The following ZP4 variants were observed in gnomAD, a reference collection of about 807,000 sequenced individuals.
ZP4 encodes the protein zona pellucida sperm-binding protein 4.
In ZP4, 62 loss-of-function variants were observed where a neutral mutation model predicts 62.3. The observed-to-expected ratio is 0.99, with a 90% CI of 0.81 to 1.23. The LOEUF is 1.23. Ranked by LOEUF, ZP4 falls within the 50% of genes most tolerant of loss-of-function variation. The probability of loss-of-function intolerance (pLI) is 0.00; values close to 1 mark genes in which losing one functional copy is unlikely to be tolerated. For synonymous variants in ZP4, 289 were observed against 247.3 expected (o/e 1.17, Z -1.58); for missense variants, 774 against 656.0 (o/e 1.18, Z -1.97).
At position 237,884,017 on chromosome 1, in the gene ZP4, AAC is replaced by A. The variant is rs142971801; in HGVS notation, c.1390+750_1390+751del. On this transcript the variant is annotated intron_variant, in intron 10 of 11. Coordinates refer to ENST00000366570, the MANE Select transcript of ZP4 (RefSeq NM_021186.5). ...ACACACACACACACACACACACACA[AAC>A]ACACACACACACAAACACACACAAA... 4.5e-4 allele frequency among the ~76,000 whole-genome samples: 40 copies of A among 87,978 alleles called. 1 individual carries two copies. The highest frequency in any genetic ancestry group is 1.2e-3 in the Admixed American group (10 of 8,608). 57.7% of individuals were successfully genotyped at this position (87,978 alleles called of 152,430 possible).
In ZP4 at chr1:237,886,776, G is replaced by C. The variant is rs781324264; in HGVS notation, c.834C>G (p.Ile278Met). 3.7e-6 allele frequency: 6 copies of C among 1,613,862 alleles called. No individual in the cohort carries two copies. The highest frequency in any genetic ancestry group is 5.1e-6 in the Non-Finnish European group (6 of 1,179,892). Reference sequence around the variant, plus strand: ...CATTCTGGCCAAGCCCTTACCTGAAGATGCTGTCACGAGTGACAGAGCCAC... The same window carrying C: ...CATTCTGGCCAAGCCCTTACCTGAACATGCTGTCACGAGTGACAGAGCCAC... Reference protein sequence around the residue: ...GSRGSVTRDSIFRLHVSCSYS... With the variant: ...GSRGSVTRDSMFRLHVSCSYS... Residue 278 changes from isoleucine (I) to methionine (M), a missense_variant, in exon 6 of 12, where the codon ATC (isoleucine) becomes ATG (methionine). Physicochemically the swap from Ile to Met is conservative, Grantham distance 10 (BLOSUM62 1). Transcript: ENST00000366570.
chr1:237,885,197 G>T lies in ZP4; in HGVS notation c.1279C>A (p.Pro427Thr). 6.2e-7 allele frequency: 1 copy of T among 1,614,114 alleles called. No individual in the cohort carries two copies. Among genetic ancestry groups the T allele is most frequent in the Non-Finnish European group, 8.5e-7 (1 of 1,180,022 alleles). Residue 427 changes from proline to threonine, a missense_variant, in exon 9 of 12, where the codon CCT (proline) becomes ACT (threonine). Transcript: ENST00000366570. ...FSIFTFSFVN[P>T]TVEKQALRGP... ...CTGAGGGCCTGTTTCTCCACTGTAG[G>T]GTTCACAAAGCTGAAGGTGAAGATG...
At position 237,884,817 on chromosome 1, in the gene ZP4, G is replaced by A; in HGVS notation, c.1342C>T (p.Gln448Ter). Residue 448 changes from glutamine (Q) to a stop codon, truncating the protein, a stop_gained, in exon 10 of 12, where the codon CAG becomes TAG. Transcript: ENST00000366570. LOFTEE classifies it high-confidence loss of function. ...VHLHCSVSVCQPAETPSCVVT... is the reference protein window; with the variant it reads ...VHLHCSVSVC ...ACACAGGATGGTGTCTCAGCAGGCTGGCAGACTGACACGCTGCAGTGCAGA... is the reference window on the plus strand; with the variant it reads ...ACACAGGATGGTGTCTCAGCAGGCTAGCAGACTGACACGCTGCAGTGCAGA... 1 of 1,613,726 alleles carries A rather than the reference G, an allele frequency of 6.2e-7. No individual in the cohort carries two copies. Among genetic ancestry groups the A allele is most frequent in the Non-Finnish European group, 8.5e-7 (1 of 1,179,854 alleles).
rs769173590 is a variant in ZP4, at chr1:237,882,766, T to C, written c.1471A>G (p.Thr491Ala). ...CGGAGCTTTTCTGGAGGGTCCTTAGTGGCTTGGAGTAGAATCATGGGGCCT... is the reference window on the plus strand; with the variant it reads ...CGGAGCTTTTCTGGAGGGTCCTTAGCGGCTTGGAGTAGAATCATGGGGCCT... ...SKGPMILLQA[T>A]KDPPEKLRVP... is the part of the protein sequence containing the mutation. The change falls in exon 11 of 12, where the codon ACT becomes GCT. Residue 491 changes from threonine to alanine, a missense_variant. Physicochemically the swap from Thr to Ala is moderately conservative, Grantham distance 58 (BLOSUM62 0). Coordinates refer to ENST00000366570, the MANE Select transcript of ZP4 (RefSeq NM_021186.5). 1.1e-5 allele frequency: 17 copies of C among 1,614,188 alleles called. No homozygotes were observed. Among genetic ancestry groups the C allele is most frequent in the Non-Finnish European group, 1.4e-5 (17 of 1,180,018 alleles).
chr1:237,883,815 A>AGAGAGAGGAAGAG (rs1553350746), intron 10 of ZP4, among the ~76,000 whole-genome samples: 2 of 103,164 alleles, frequency 1.9e-5, no homozygotes, highest in Non-Finnish European at 3.7e-5. Context: ...GAGAGGGAGA[A>AGAGAGAGGAAGAG]AGGCTGGGCA....
chr1:237,889,646 G>A (rs1454124840), intron 3 of ZP4, among the ~76,000 whole-genome samples: 2 of 152,242 alleles, frequency 1.3e-5, no homozygotes, highest in East Asian at 1.9e-4. Flanking sequence ...GTTAGGGTTA[G>A]GGAAGGTAAC....
At position 237,887,474 on chromosome 1, in the gene ZP4, C is replaced by A. The variant is rs539530438; in HGVS notation, c.641G>T (p.Arg214Leu). 59 of 1,614,054 alleles carry A rather than the reference C, an allele frequency of 3.7e-5. No individual in the cohort carries two copies. Among genetic ancestry groups the A allele is most frequent in the Non-Finnish European group, 4.7e-5 (55 of 1,180,042 alleles). The part of the protein sequence containing the change: ...TSPPLLLDSV[R>L]LALRNDSACN... ...CGCACTGTCATTCCTAAGGGCCAAG[C>A]GCACAGAATCCAAGAGCAGTGGTGG... Residue 214 changes from arginine (R) to leucine (L), a missense_variant, in exon 5 of 12, where the codon CGC (arginine) becomes CTC (leucine). Coordinates refer to ENST00000366570, the MANE Select transcript of ZP4 (RefSeq NM_021186.5).
intron 8 of ZP4, 32 bp from the exon 9 acceptor site, chr1:237,885,347 CT>C: frequency 6.2e-7 from 1 of 1,611,764 alleles, no homozygotes; most frequent in East Asian, 2.2e-5. Flanking sequence ...TCAGGATGGG[CT>C]TCTTTGAGAA....
chr1:237,889,239 G>C (rs542198191), intron 3 of ZP4, among the ~76,000 whole-genome samples: 2 of 151,958 alleles, frequency 1.3e-5, no homozygotes, highest in Non-Finnish European at 2.9e-5. Context: ...GGTTCTGGGA[G>C]AGTTCTTTGA....
Position 237,885,796 on chromosome 1 carries a change from G to C in ZP4, c.930C>G (p.Thr310=). The C allele has an allele frequency of 6.2e-7, 1 of 1,614,128 alleles. No individual in the cohort carries two copies. Among genetic ancestry groups the C allele is most frequent in the Non-Finnish European group, 8.5e-7 (1 of 1,180,036 alleles). ...VFTLPPPFPE[T]QPGPLTLELQ... The stretch of plus-strand genomic sequence containing the variant: ...GTTCCAGAGTGAGGGGTCCAGGCTG[G>C]GTCTCAGGAAAGGGTGGTGGGAGAG... The change falls in exon 7 of 12, where the codon ACC becomes ACG. Residue 310 remains threonine, a synonymous_variant. Coordinates refer to ENST00000366570, the MANE Select transcript of ZP4 (RefSeq NM_021186.5).
intron 4 of ZP4, among the ~76,000 whole-genome samples, chr1:237,887,939 C>G (rs1036670396): frequency 1.3e-5 from 2 of 152,146 alleles, no homozygotes; most frequent in Non-Finnish European, 2.9e-5. Context: ...TGGCAAAAGC[C>G]GGGATTCCTC....
In ZP4 at chr1:237,890,750, C is replaced by A; in HGVS notation, c.-115G>T. 1 of 1,232,330 alleles carries A rather than the reference C, an allele frequency of 8.1e-7. No individual in the cohort carries two copies. The highest frequency in any genetic ancestry group is 1.1e-6 in the Non-Finnish European group (1 of 900,294). The allele number at this position is 1,232,330 out of a possible 1,614,324, so 76.3% of individuals were successfully genotyped here. On this transcript the variant is annotated 5_prime_UTR_variant, in exon 1 of 12. The change abolishes an upstream ATG in the 5' untranslated region. Transcript: ENST00000366570. ...GAAGTCAGGCTTGTTTTCAGCTGCA[C>A]ATCTTTGTGACACTCAGGTGGGATG... is the stretch of plus-strand genomic sequence containing the variant.
At chr1:237,889,740 T>C (rs1051959624) in intron 3 of ZP4, 127 bp downstream of exon 3, 1 of 844,726 alleles carries the variant, frequency 1.2e-6, no homozygotes, top group Admixed American at 1.9e-5. Context: ...GAGGTGAGAG[T>C]TGGGACATGA....
Position 237,882,732 on chromosome 1 carries a change from G to T in ZP4, c.1495+10C>A, listed in dbSNP as rs756930516. Reference sequence around the variant, plus strand: ...TCACTAGTTTGATCTCCTCCCTCTTGGATACTTACGGAGCTTTTCTGGAGG... The same window carrying T: ...TCACTAGTTTGATCTCCTCCCTCTTTGATACTTACGGAGCTTTTCTGGAGG... On this transcript the variant is annotated intron_variant, in intron 11 of 11. Coordinates refer to ENST00000366570, the MANE Select transcript of ZP4 (RefSeq NM_021186.5). 6.2e-7 allele frequency: 1 copy of T among 1,612,698 alleles called. No homozygotes were observed. Among genetic ancestry groups the T allele is most frequent in the Non-Finnish European group, 8.5e-7 (1 of 1,179,292 alleles).
In ZP4 at chr1:237,885,783, G is replaced by A. The variant is rs149320005; in HGVS notation, c.943C>T (p.Leu315Phe). The A allele has an allele frequency of 1.4e-5, 22 of 1,614,006 alleles. No homozygotes were observed. In the African/African-American group the frequency reaches 2.9e-4, roughly 22 times the overall value. Reference sequence around the variant, plus strand: ...TTGGCAATCTGAAGTTCCAGAGTGAGGGGTCCAGGCTGGGTCTCAGGAAAG... The same window carrying A: ...TTGGCAATCTGAAGTTCCAGAGTGAAGGGTCCAGGCTGGGTCTCAGGAAAG... ...PPFPETQPGP[L>F]TLELQIAKDK... is the part of the protein sequence containing the mutation. Residue 315 changes from leucine to phenylalanine, a missense_variant, in exon 7 of 12, where the codon CTC becomes TTC. Coordinates refer to ENST00000366570, the MANE Select transcript of ZP4 (RefSeq NM_021186.5).
intron 10 of ZP4, among the ~76,000 whole-genome samples, chr1:237,883,985 C>CACACACACACACACACAA: frequency 3.3e-5 from 1 of 29,892 alleles, no homozygotes; most frequent in African/African-American, 1.2e-4. Flanking sequence ...CACACACAAA[C>CACACACACACACACACAA]ACACACACAC....
At chr1:237,884,001 C>CACACACACACAAACACACACACACACAA (rs1665020502) in intron 10 of ZP4, among the ~76,000 whole-genome samples, 1 of 85,426 alleles carries the variant, frequency 1.2e-5, no homozygotes, top group African/African-American at 5.1e-5. Flanking sequence ...CACACACACA[C>CACACACACACAAACACACACACACACAA]ACACACACAC....
Position 237,888,520 on chromosome 1 carries a change from GAA to G in ZP4, c.401-12_401-11del, listed in dbSNP as rs780927065. The G allele has an allele frequency of 3.8e-6, 6 of 1,580,470 alleles. No individual in the cohort carries two copies. In the Admixed American group the frequency reaches 8.9e-5, roughly 23 times the overall value. On this transcript the variant is annotated splice_polypyrimidine_tract_variant and intron_variant, in intron 3 of 11. Transcript: ENST00000366570. ...TCTGGAGCATCTCGGGCTAGGTTTT[GAA>G]AAAGAGTAAGTCAGGTTAGATAATG...
At chr1:237,887,697 A>C in intron 4 of ZP4, 136 bp from the exon 5 acceptor site, 1 of 843,084 alleles carries the variant, frequency 1.2e-6, no homozygotes, top group East Asian at 2.7e-5. Context: ...CCTCAGTGCA[A>C]GATCAACCAA....
Sources: gnomAD v4.1 joint callset for allele counts (sites outside exome capture counted in the v4.1 genomes callset) on GRCh38, gnomAD v4.1.1 for gene constraint, MANE v1.5 for transcripts, NCBI Gene and HGNC (gene_info 2026-07-23, HGNC 2026-07-21) for gene names.